The following CTNND2 variants were observed in gnomAD, a reference collection of about 807,000 sequenced individuals.
CTNND2 encodes the protein catenin delta-2.
A neutral mutation model predicts 144.4 loss-of-function variants in CTNND2; 22 were observed. That is an observed-to-expected ratio of 0.15 (90% CI 0.11 to 0.22). CTNND2 has a LOEUF of 0.22. CTNND2 is among the 10% of genes least tolerant of loss of function. The probability of loss-of-function intolerance (pLI) is 1.00; values close to 1 mark genes in which losing one functional copy is unlikely to be tolerated. For missense variants in CTNND2, 1,353 were observed against 1,618.8 expected, an observed-to-expected ratio of 0.84 and a Z score of 2.82; for synonymous variants, 751 against 695.6, an observed-to-expected ratio of 1.08 and a Z score of -1.25.
intron 3 of CTNND2, among the ~76,000 whole-genome samples, chr5:11,527,299 A>G (rs1044679976): frequency 1.3e-5 from 2 of 152,228 alleles, no homozygotes; most frequent in Non-Finnish European, 2.9e-5. Flanking sequence ...CCAAATTGTC[A>G]GGCCTACAAA....
intron 1 of CTNND2, among the ~76,000 whole-genome samples, chr5:11,746,510 C>T (rs373730284): frequency 1.1e-4 from 17 of 152,146 alleles, no homozygotes; most frequent in African/African-American, 3.1e-4. Context: ...TTTTTGAAAT[C>T]GGGATGGTTC....
At chr5:11,456,591 C>T (rs1010443690) in intron 3 of CTNND2, among the ~76,000 whole-genome samples, 1 of 152,044 alleles carries the variant, frequency 6.6e-6, no homozygotes, top group Non-Finnish European at 1.5e-5. Context: ...TTCTGTTATT[C>T]AACATTTCTA....
chr5:11,743,692 G>A (rs144244601), intron 1 of CTNND2, among the ~76,000 whole-genome samples: 4 of 152,202 alleles, frequency 2.6e-5, no homozygotes, highest in East Asian at 3.9e-4. Context: ...TCATGGAGGC[G>A]GCTACACAGG....
chr5:11,047,393 T>G (rs972227910), intron 16 of CTNND2, among the ~76,000 whole-genome samples: 1 of 152,156 alleles, frequency 6.6e-6, no homozygotes, highest in Non-Finnish European at 1.5e-5. Flanking sequence ...TAAAAGGCAT[T>G]GTTTTGGGGT....
intron 16 of CTNND2, among the ~76,000 whole-genome samples, chr5:11,071,511 G>A (rs1368712322): frequency 6.6e-6 from 1 of 151,990 alleles, no homozygotes; most frequent in African/African-American, 2.4e-5. Flanking sequence ...CTGTACTCCT[G>A]AGTGACAGAG....
At chr5:11,344,564 C>A (rs1374393670) in intron 9 of CTNND2, among the ~76,000 whole-genome samples, 2 of 151,994 alleles carry the variant, frequency 1.3e-5, no homozygotes, top group Non-Finnish European at 2.9e-5. Context: ...TTTTTCTTTT[C>A]TTTTCTTTTT....
Position 11,166,310 on chromosome 5 carries a change from G to A in CTNND2, c.1976-6551C>T, listed in dbSNP as rs372634054. Among the ~76,000 whole-genome samples, 9 of 147,352 alleles carry A rather than the reference G, an allele frequency of 6.1e-5. No individual in the cohort carries two copies. The East Asian group carries it at 1.8e-3, about 30-fold the overall frequency. On this transcript the variant is annotated intron_variant, in intron 11 of 21. Coordinates refer to ENST00000304623, the MANE Select transcript of CTNND2 (RefSeq NM_001332.4). Reference sequence around the variant, plus strand: ...GTCACCCAGGCTGGAGTGCAGTGGTGTGATCTCGGCTCACTGCAAGCTCTG... The same window carrying A: ...GTCACCCAGGCTGGAGTGCAGTGGTATGATCTCGGCTCACTGCAAGCTCTG...
intron 1 of CTNND2, among the ~76,000 whole-genome samples, chr5:11,762,321 A>G (rs1298119609): frequency 6.6e-6 from 1 of 152,152 alleles, no homozygotes; most frequent in Non-Finnish European, 1.5e-5. Flanking sequence ...TCAAGGTCAT[A>G]CCCTGAGTCT....
chr5:11,401,595 G>C (rs1016579224), intron 5 of CTNND2, among the ~76,000 whole-genome samples: 5 of 152,194 alleles, frequency 3.3e-5, no homozygotes, highest in Non-Finnish European at 7.3e-5. Flanking sequence ...GTAATGACCA[G>C]TTAACCTTTT....
chr5:11,670,201 G>A (rs982272719), intron 2 of CTNND2, among the ~76,000 whole-genome samples: 1 of 152,152 alleles, frequency 6.6e-6, no homozygotes, highest in African/African-American at 2.4e-5. Flanking sequence ...AGTGTGATGT[G>A]GTGCTGAGAA....
rs190826140 is a variant in CTNND2, at chr5:11,087,974, T to C, written c.2638-5128A>G. 1.6e-4 allele frequency among the ~76,000 whole-genome samples: 25 copies of C among 152,306 alleles called. 1 individual carries two copies. The highest frequency in any genetic ancestry group is 1.4e-3 in the East Asian group (7 of 5,180). ...CCAGAGGAAGCATTCACTGAAGAGATTGGAAGAAGCATACTCATTCCCCAA... is the reference window on the plus strand; with the variant it reads ...CCAGAGGAAGCATTCACTGAAGAGACTGGAAGAAGCATACTCATTCCCCAA... On this transcript the variant is annotated intron_variant, in intron 15 of 21. Coordinates refer to ENST00000304623, the MANE Select transcript of CTNND2 (RefSeq NM_001332.4).
At chr5:11,291,925 A>G (rs551641358) in intron 9 of CTNND2, among the ~76,000 whole-genome samples, 6 of 152,168 alleles carry the variant, frequency 3.9e-5, no homozygotes, top group African/African-American at 1.4e-4. Context: ...TATACAAACC[A>G]GCTATACAAA....
chr5:11,165,446 G>C (rs1306818205), intron 11 of CTNND2, among the ~76,000 whole-genome samples: 1 of 152,060 alleles, frequency 6.6e-6, no homozygotes, highest in Non-Finnish European at 1.5e-5. Context: ...TTATATCTGA[G>C]GATAACATGA....
chr5:11,824,112 A>C (rs1581956654), intron 1 of CTNND2, among the ~76,000 whole-genome samples: 1 of 151,690 alleles, frequency 6.6e-6, no homozygotes, highest in South Asian at 2.1e-4. Flanking sequence ...AAAAAAAAAA[A>C]ACCATGGTGA....
rs531442261 is a variant in CTNND2, at chr5:11,879,237, A to G, written c.37+24580T>C. Among the ~76,000 whole-genome samples, 3 of 151,598 alleles carry G rather than the reference A, an allele frequency of 2.0e-5. No homozygotes were observed. The East Asian group carries it at 5.8e-4, about 29-fold the overall frequency. On this transcript the variant is annotated intron_variant, in intron 1 of 21. Coordinates refer to ENST00000304623, the MANE Select transcript of CTNND2 (RefSeq NM_001332.4). ...CAGACAGGCTACGGGAGACAGAGGG[A>G]GATACAGTTAAAATTGTCAAGTGTT...
intron 9 of CTNND2, among the ~76,000 whole-genome samples, chr5:11,323,231 T>TC (rs564322014): frequency 3.3e-5 from 4 of 121,822 alleles, no homozygotes; most frequent in East Asian, 5.4e-4. Flanking sequence ...ATTTAGAGAT[T>TC]GGGGGGGGGG....
chr5:11,338,473 C>T (rs528864974), intron 9 of CTNND2, among the ~76,000 whole-genome samples: 5 of 152,274 alleles, frequency 3.3e-5, no homozygotes, highest in Non-Finnish European at 5.9e-5. Flanking sequence ...AGAAGAGGCT[C>T]GTTCCCTAGA....
At chr5:11,769,677 A>C (rs1250349260) in intron 1 of CTNND2, among the ~76,000 whole-genome samples, 2 of 152,226 alleles carry the variant, frequency 1.3e-5, no homozygotes, top group Non-Finnish European at 2.9e-5. Context: ...CAGAGATACT[A>C]AGTGGACAGT....
chr5:11,458,093 C>G (rs16901654), intron 3 of CTNND2, among the ~76,000 whole-genome samples: 5,045 of 152,238 alleles, frequency 0.033, 286 homozygotes, highest in African/African-American at 0.12. Flanking sequence ...CCAAAACAGT[C>G]TCTAGCATTT....
Sources: allele counts gnomAD v4.1 joint callset (sites outside exome capture counted in the v4.1 genomes callset), GRCh38; gene constraint gnomAD v4.1.1; transcripts MANE v1.5; gene names NCBI Gene and HGNC (gene_info 2026-07-23, HGNC 2026-07-21).